ITPK1: variants seen among roughly 807,000 people sequenced by gnomAD.
ITPK1 encodes the protein inositol 1,3,4-trisphosphate 5/6-kinase.
A neutral mutation model predicts 45.3 loss-of-function variants in ITPK1; 21 were observed. The ratio of observed to expected loss-of-function variants is 0.46; its 90% CI spans 0.33 to 0.67. The LOEUF (loss-of-function observed/expected upper bound fraction) is 0.67, where lower values mean the gene tolerates loss of function less well. Among genes scored for constraint, ITPK1 ranks in the 30% least tolerant of loss-of-function variants. ITPK1 has a pLI of 0.02. For missense variants in ITPK1, 474 were observed against 573.5 expected, an observed-to-expected ratio of 0.83 and a Z score of 1.77; for synonymous variants, 258 against 253.6, an observed-to-expected ratio of 1.02 and a Z score of -0.16.
rs1795629282 is a variant in ITPK1 at position 92,958,087 on chromosome 14, T to A, written c.670+114A>T. The A allele has an allele frequency of 9.1e-6, 9 of 986,622 alleles. No individual in the cohort carries two copies. The highest frequency in any genetic ancestry group is 7.0e-5 in the South Asian group (5 of 71,110). 61.1% of individuals were successfully genotyped at this position (986,622 alleles called of 1,614,324 possible). On this transcript the variant is annotated intron_variant, in intron 8 of 10. Transcript: ENST00000267615. The surrounding 1 kb of genome is among the most constrained non-coding windows in gnomAD (Gnocchi z 4.4). ...TTTCCACCTTTAGAGCACCTCTCCATCCCACCAAGAACACAGGGTGGTTGG... is the reference window on the plus strand; with the variant it reads ...TTTCCACCTTTAGAGCACCTCTCCAACCCACCAAGAACACAGGGTGGTTGG...
rs1294172507 is a variant in ITPK1, at chr14:93,012,141, G to A, written c.246+4535C>T. Among the ~76,000 whole-genome samples, 1 of 152,164 alleles carries A rather than the reference G, an allele frequency of 6.6e-6. No individual in the cohort carries two copies. The highest frequency in any genetic ancestry group is 1.5e-5 in the Non-Finnish European group (1 of 68,028). On this transcript the variant is annotated intron_variant, in intron 4 of 10. Coordinates refer to ENST00000267615, the MANE Select transcript of ITPK1 (RefSeq NM_014216.6). The surrounding 1 kb of genome is among the most constrained non-coding windows in gnomAD (Gnocchi z 4.9). ...GCCGCCCCAGCGCATGACCAGCACTGGGCATGCGCCGCCACCCAAACACTT... is the reference window on the plus strand; with the variant it reads ...GCCGCCCCAGCGCATGACCAGCACTAGGCATGCGCCGCCACCCAAACACTT...
intron 3 of ITPK1, among the ~76,000 whole-genome samples, chr14:93,046,320 C>G (rs557854091): frequency 6.6e-6 from 1 of 152,218 alleles, no homozygotes; most frequent in Non-Finnish European, 1.5e-5. Context: ...GAAACTGAGG[C>G]TCAGAGAAAC....
rs761222972 is a variant in ITPK1 at position 93,096,611 on chromosome 14, A to G, written c.95+18458T>C. On this transcript the variant is annotated intron_variant, in intron 2 of 10. Coordinates refer to ENST00000267615, the MANE Select transcript of ITPK1 (RefSeq NM_014216.6). ...CTGGGTCTGGATGCAATCTGGAAACAACACAGGCACCCAGCAGCACAAGGA... is the reference window on the plus strand; with the variant it reads ...CTGGGTCTGGATGCAATCTGGAAACGACACAGGCACCCAGCAGCACAAGGA... Among the ~76,000 whole-genome samples, 6 of 152,222 alleles carry G rather than the reference A, an allele frequency of 3.9e-5. No homozygotes were observed. In the East Asian group the frequency reaches 7.7e-4, roughly 20 times the overall value.
intron 10 of ITPK1, among the ~76,000 whole-genome samples, chr14:92,944,747 G>A (rs1172308818): frequency 3.3e-5 from 5 of 152,076 alleles, no homozygotes; most frequent in South Asian, 4.1e-4. Context: ...TGTCCCTTGC[G>A]CCCTGGTTCC....
At chr14:93,069,210 A>C (rs963266646) in intron 3 of ITPK1, 1 of 153,314 alleles carries the variant, frequency 6.5e-6, no homozygotes, top group African/African-American at 2.4e-5. Flanking sequence ...CTGTCTAATC[A>C]CCCTCCATGT....
chr14:93,047,640 C>T lies in ITPK1; in HGVS notation c.120+28955G>A, dbSNP rs184502553. On this transcript the variant is annotated intron_variant, in intron 3 of 10. Coordinates refer to ENST00000267615, the MANE Select transcript of ITPK1 (RefSeq NM_014216.6). ...AGGCTCCTCCCTTCGGGGCTTCAGA[C>T]GGAGCAGTGCCCTGCTGACATCCTG... is the stretch of plus-strand genomic sequence containing the variant. Among the ~76,000 whole-genome samples, 69 of 152,340 alleles carry T rather than the reference C, an allele frequency of 4.5e-4. 1 individual carries two copies. The East Asian group carries it at 0.012, about 26-fold the overall frequency.
At chr14:92,969,106 C>T (rs563127756) in intron 5 of ITPK1, among the ~76,000 whole-genome samples, 10 of 152,226 alleles carry the variant, frequency 6.6e-5, no homozygotes, top group African/African-American at 2.2e-4. Context: ...AAATAAGAAA[C>T]GTAGAGTACT....
In ITPK1 at chr14:92,939,065, A is replaced by G. The variant is rs142123962; in HGVS notation, c.*2496T>C. The G allele has an allele frequency of 1.2e-3, 193 of 156,290 alleles. 6 individuals carry two copies. The East Asian group carries it at 0.033, about 27-fold the overall frequency. The allele number at this position is 156,290 out of a possible 1,614,324, so 9.7% of individuals were successfully genotyped here. A position where few individuals can be genotyped will look rare whatever the true frequency, so the allele number is the denominator to read the frequency against. On this transcript the variant is annotated 3_prime_UTR_variant, in exon 11 of 11. Coordinates refer to ENST00000267615, the MANE Select transcript of ITPK1 (RefSeq NM_014216.6). ...CAGAAGCTTAGGAACCAGAGCCCCAAGCCACCCCGATGCTGGCGGGGCCAA... is the reference window on the plus strand; with the variant it reads ...CAGAAGCTTAGGAACCAGAGCCCCAGGCCACCCCGATGCTGGCGGGGCCAA...
In ITPK1 at chr14:92,998,947, C is replaced by G. The variant is rs750417246; in HGVS notation, c.247-4950G>C. 6 of 152,354 alleles carry G rather than the reference C, an allele frequency of 3.9e-5. No homozygotes were observed. In the East Asian group the frequency reaches 1.2e-3, roughly 29 times the overall value. 9.4% of individuals were successfully genotyped at this position (152,354 alleles called of 1,614,324 possible). On this transcript the variant is annotated intron_variant, in intron 4 of 10. Transcript: ENST00000267615. ...CACTGCTTCTTTCAATATAAAAACG[C>G]TATTGGGTAAAAGCCCAAACTATAA...
intron 2 of ITPK1, among the ~76,000 whole-genome samples, chr14:93,101,637 T>C (rs1892324864): frequency 6.6e-6 from 1 of 152,128 alleles, no homozygotes; most frequent in African/African-American, 2.4e-5. Context: ...TCATTTGAGG[T>C]CAGGAGTTCG....
chr14:92,990,291 C>G (rs561752595), intron 5 of ITPK1, among the ~76,000 whole-genome samples: 1 of 152,296 alleles, frequency 6.6e-6, no homozygotes, highest in South Asian at 2.1e-4. Flanking sequence ...TGATCTTCCT[C>G]TCCATCCTAA....
rs189279568 is a variant in ITPK1, at chr14:93,028,192, T to C, written c.121-11391A>G. 2.1e-3 allele frequency among the ~76,000 whole-genome samples: 313 copies of C among 152,330 alleles called. 1 individual carries two copies. Among genetic ancestry groups the C allele is most frequent in the African/African-American group, 7.2e-3 (300 of 41,568 alleles). ...TCCAGGCCAAGCTAGTTCAAGTGTATGATGAACAGCGTGCCTTCCCTAGAC... is the reference window on the plus strand; with the variant it reads ...TCCAGGCCAAGCTAGTTCAAGTGTACGATGAACAGCGTGCCTTCCCTAGAC... On this transcript the variant is annotated intron_variant, in intron 3 of 10. Coordinates refer to ENST00000267615, the MANE Select transcript of ITPK1 (RefSeq NM_014216.6).
intron 2 of ITPK1, among the ~76,000 whole-genome samples, chr14:93,111,423 T>C (rs1372086717): frequency 6.6e-6 from 1 of 151,978 alleles, no homozygotes; most frequent in African/African-American, 2.4e-5. Context: ...TCTGAGCATC[T>C]AGAAAAAGCC....
At chr14:92,994,188 C>T (rs551994545) in intron 4 of ITPK1, among the ~76,000 whole-genome samples, 191 bp from the exon 5 acceptor site, 1 of 152,338 alleles carries the variant, frequency 6.6e-6, no homozygotes, top group South Asian at 2.1e-4. Context: ...CTTGACTAGG[C>T]CAAACTCAGA....
intron 5 of ITPK1, among the ~76,000 whole-genome samples, chr14:92,974,237 C>T (rs1885813943): frequency 6.6e-6 from 1 of 152,182 alleles, no homozygotes; most frequent in African/African-American, 2.4e-5. Context: ...GATTTGGGCG[C>T]TTCCGAAAGG....
At position 92,958,403 on chromosome 14, in the gene ITPK1, C is replaced by T. The variant is rs779199285; in HGVS notation, c.505-37G>A. 10 of 1,608,222 alleles carry T rather than the reference C, an allele frequency of 6.2e-6. No homozygotes were observed. In the East Asian group the frequency reaches 1.3e-4, roughly 22 times the overall value. On this transcript the variant is annotated intron_variant, in intron 7 of 10. Transcript: ENST00000267615. The surrounding 1 kb of genome is among the most constrained non-coding windows in gnomAD (Gnocchi z 4.4). ...AGGGGTCAAAAGCTCTGTCAGAATC[C>T]ACCACCTTCTCAGCCTCCAACACAC... is the stretch of plus-strand genomic sequence containing the variant.
chr14:92,990,298 C>T (rs1244932510), intron 5 of ITPK1, among the ~76,000 whole-genome samples: 2 of 152,132 alleles, frequency 1.3e-5, no homozygotes, highest in African/African-American at 4.8e-5. Flanking sequence ...CCTCTCCATC[C>T]TAATGTCTAG....
At chr14:92,955,098 CACTG>C (rs931044905) in intron 8 of ITPK1, among the ~76,000 whole-genome samples, 7 of 152,334 alleles carry the variant, frequency 4.6e-5, no homozygotes, top group Admixed American at 4.6e-4. Flanking sequence ...AATGCTGTAT[CACTG>C]ACTATTAAGA....
chr14:92,993,142 C>G (rs1415630622), intron 5 of ITPK1, among the ~76,000 whole-genome samples: 2 of 152,242 alleles, frequency 1.3e-5, no homozygotes, highest in Non-Finnish European at 2.9e-5. Context: ...GGGCTGCCTC[C>G]TTGACCCCAG....
Sources: gnomAD v4.1 joint callset for allele counts (sites outside exome capture counted in the v4.1 genomes callset) on GRCh38, gnomAD v4.1.1 for gene constraint, Gnocchi (gnomAD v3.1) non-coding constraint, MANE v1.5 for transcripts, NCBI Gene and HGNC (gene_info 2026-07-23, HGNC 2026-07-21) for gene names.